TOR1AIP2: variants seen among roughly 807,000 people sequenced by gnomAD.
TOR1AIP2 encodes the protein torsin 1A interacting protein 2.
TOR1AIP2 carries 20 observed loss-of-function variants against 32.6 expected under a neutral mutation model. The observed-to-expected ratio is 0.61, with a 90% confidence interval of 0.43 to 0.89. The LOEUF (loss-of-function observed/expected upper bound fraction) is 0.89. TOR1AIP2 is among the 40% of genes least tolerant of loss of function. The pLI, the probability that TOR1AIP2 is intolerant of heterozygous loss-of-function variation, is 0.00. For synonymous variants in TOR1AIP2, 214 were observed against 210.8 expected (o/e 1.02, Z -0.13); for missense variants, 456 against 553.8 (o/e 0.82, Z 1.77).
intron 5 of TOR1AIP2, among the ~76,000 whole-genome samples, chr1:179,848,619 T>A (rs2148425203): frequency 6.6e-6 from 1 of 152,320 alleles, no homozygotes; most frequent in African/African-American, 2.4e-5. Context: ...AATTTGTGCT[T>A]AACCCCAGCC....
At chr1:179,873,133 C>A (rs750730935) in intron 2 of TOR1AIP2, among the ~76,000 whole-genome samples, 9 of 152,164 alleles carry the variant, frequency 5.9e-5, no homozygotes, top group Non-Finnish European at 1.0e-4. Flanking sequence ...GTGACCCTTT[C>A]TTGTCTTTGT....
chr1:179,873,730 G>A (rs1246850481), intron 2 of TOR1AIP2: 1 of 152,108 alleles, frequency 6.6e-6, no homozygotes, highest in African/African-American at 2.4e-5. Flanking sequence ...TTCTGTTAGA[G>A]TTGTCCCTTC....
rs940200774 is a variant in TOR1AIP2, at chr1:179,846,040, A to G, written c.*31T>C. 1.3e-6 allele frequency: 2 copies of G among 1,588,432 alleles called. No homozygotes were observed. The highest frequency in any genetic ancestry group is 1.8e-5 in the Admixed American group (1 of 56,986). ...TTTAAACAAACTTTTTCATAAACAT[A>G]TACCTTCTGTAACCAACTCTGTGCT... On this transcript the variant is annotated 3_prime_UTR_variant, in exon 7 of 7. Transcript: ENST00000609928.
At position 179,843,632 on chromosome 1, in the gene TOR1AIP2, G is replaced by A. The variant is rs1239027410; in HGVS notation, c.*2439C>T. ...AGGCCAGGAGTTCAAGACCAGCCTA[G>A]GCAACACAGTAAGACCCTGTCTCTA... On this transcript the variant is annotated 3_prime_UTR_variant, in exon 7 of 7. Transcript: ENST00000609928. 6.6e-6 allele frequency: 1 copy of A among 152,040 alleles called. No homozygotes were observed. The highest frequency in any genetic ancestry group is 1.5e-5 in the Non-Finnish European group (1 of 68,290). 9.4% of individuals were successfully genotyped at this position (152,040 alleles called of 1,614,324 possible).
intron 2 of TOR1AIP2, among the ~76,000 whole-genome samples, chr1:179,870,085 T>C (rs1456519622): frequency 6.6e-6 from 1 of 152,172 alleles, no homozygotes; most frequent in Non-Finnish European, 1.5e-5. Flanking sequence ...GAGTCCTGAA[T>C]CCTCTGAAAT....
chr1:179,864,457 A>T, intron 3 of TOR1AIP2: 1 of 1,060,892 alleles, frequency 9.4e-7, no homozygotes, highest in Non-Finnish European at 1.1e-6. Context: ...CCCCTCTAGG[A>T]CTACTTTGTC....
Position 179,850,878 on chromosome 1 carries a change from C to T in TOR1AIP2, c.520G>A (p.Glu174Lys). The T allele has an allele frequency of 6.2e-7, 1 of 1,613,994 alleles. No individual in the cohort carries two copies. ...AGCAGTCGCCTCCTCAGTGTATCCTCACCCTCTTGCCCTGCACTGGAATGA... is the reference window on the plus strand; with the variant it reads ...AGCAGTCGCCTCCTCAGTGTATCCTTACCCTCTTGCCCTGCACTGGAATGA... ...PGHSSAGQEG[E>K]DTLRRRLLAP... The change falls in exon 5 of 7, where the codon GAG (glutamate) becomes AAG (lysine). Residue 174 changes from glutamate (E) to lysine (K), a missense_variant. Glu to Lys is a moderately conservative substitution (Grantham distance 56, BLOSUM62 1). Coordinates refer to ENST00000609928, the MANE Select transcript of TOR1AIP2 (RefSeq NM_001199260.2).
chr1:179,853,869 C>CAA (rs1696203585), intron 3 of TOR1AIP2, among the ~76,000 whole-genome samples: 1 of 152,178 alleles, frequency 6.6e-6, no homozygotes, highest in African/African-American at 2.4e-5. Flanking sequence ...GATTTTCTTT[C>CAA]TGCCACTGTG....
intron 3 of TOR1AIP2, chr1:179,864,567 GA>G (rs1442999787): frequency 0.013 from 17,462 of 1,337,134 alleles, 561 homozygotes; most frequent in African/African-American, 0.11. Context: ...TAGATGAACA[GA>G]TTAGCCTCAG....
intron 5 of TOR1AIP2, among the ~76,000 whole-genome samples, chr1:179,848,035 A>G (rs1480662884): frequency 9.2e-5 from 8 of 86,598 alleles, no homozygotes; most frequent in East Asian, 7.6e-4. Flanking sequence ...TCCATCTCAG[A>G]AAAAAAAAAA....
intron 3 of TOR1AIP2, chr1:179,861,449 TTATCA>T (rs3053001): frequency 0.049 from 48,681 of 985,210 alleles, 1,377 homozygotes; most frequent in African/African-American, 0.11. Context: ...TTCTGACAGC[TTATCA>T]TATAACAGGT....
chr1:179,851,759 G>A (rs1696123211), intron 4 of TOR1AIP2, among the ~76,000 whole-genome samples: 1 of 152,138 alleles, frequency 6.6e-6, no homozygotes, highest in Admixed American at 6.6e-5. Context: ...CATGAAAACA[G>A]GGAAACCCAA....
At position 179,846,872 on chromosome 1, in the gene TOR1AIP2, G is replaced by A. The variant is rs370139344; in HGVS notation, c.656-44C>T. On this transcript the variant is annotated intron_variant, in intron 6 of 6. Transcript: ENST00000609928. ...AGGAATAGAAAATTACAGAGAACAC[G>A]AGCCAGAAACAAAGCCTGTGGTAAA... 216 of 1,526,016 alleles carry A rather than the reference G, an allele frequency of 1.4e-4. No homozygotes were observed. In the African/African-American group the frequency reaches 2.3e-3, roughly 16 times the overall value. The allele number at this position is 1,526,016 out of a possible 1,614,324, so 94.5% of individuals were successfully genotyped here.
At position 179,843,531 on chromosome 1, in the gene TOR1AIP2, A is replaced by AG. The variant is rs1695793682; in HGVS notation, c.*2539_*2540insC. 6.6e-6 allele frequency: 1 copy of AG among 151,506 alleles called. No individual in the cohort carries two copies. Among genetic ancestry groups the AG allele is most frequent in the Non-Finnish European group, 1.5e-5 (1 of 68,516 alleles). 9.4% of individuals were successfully genotyped at this position (151,506 alleles called of 1,614,324 possible). A position where few individuals can be genotyped will look rare whatever the true frequency, so the allele number is the denominator to read the frequency against. ...CTCTCAAAAAAAAAAAAAAAAAAAA[A>AG]AGAAGTTTGGTTGGGTGCATTGGGT... On this transcript the variant is annotated 3_prime_UTR_variant, in exon 7 of 7. Coordinates refer to ENST00000609928, the MANE Select transcript of TOR1AIP2 (RefSeq NM_001199260.2).
chr1:179,861,171 A>T, intron 3 of TOR1AIP2: 1 of 985,450 alleles, frequency 1.0e-6, no homozygotes, highest in Non-Finnish European at 1.2e-6. Context: ...TCCACACTAT[A>T]AAAATAGAGA....
At chr1:179,866,164 G>A (rs934972069) in intron 2 of TOR1AIP2, among the ~76,000 whole-genome samples, 9 of 151,658 alleles carry the variant, frequency 5.9e-5, no homozygotes, top group Non-Finnish European at 1.2e-4. Context: ...TCTCTTGTAC[G>A]TCTCTTCTGT....
At chr1:179,875,698 C>A (rs1050923224) in intron 2 of TOR1AIP2, 2 of 151,432 alleles carry the variant, frequency 1.3e-5, no homozygotes. Context: ...ACAGTTCATA[C>A]CAGAGCCATG....
intron 5 of TOR1AIP2, among the ~76,000 whole-genome samples, chr1:179,849,427 C>G (rs1464689473): frequency 2.0e-5 from 3 of 151,964 alleles, no homozygotes; most frequent in African/African-American, 7.3e-5. Flanking sequence ...TGGGTTTTTG[C>G]CATGTTGCCC....
chr1:179,840,433 C>T lies in TOR1AIP2; in HGVS notation c.*5638G>A, dbSNP rs190375637. On this transcript the variant is annotated 3_prime_UTR_variant, in exon 7 of 7. Coordinates refer to ENST00000609928, the MANE Select transcript of TOR1AIP2 (RefSeq NM_001199260.2). ...GCCAAAGGCAAATTTAGTTTATAAGCCTCAGTGAGGAAAAGCAGGAGACCA... is the reference window on the plus strand; with the variant it reads ...GCCAAAGGCAAATTTAGTTTATAAGTCTCAGTGAGGAAAAGCAGGAGACCA... 10 of 152,240 alleles carry T rather than the reference C, an allele frequency of 6.6e-5. No individual in the cohort carries two copies. The East Asian group carries it at 1.4e-3, about 21-fold the overall frequency. 9.4% of individuals were successfully genotyped at this position (152,240 alleles called of 1,614,324 possible).
Sources: allele counts gnomAD v4.1 joint callset (sites outside exome capture counted in the v4.1 genomes callset), GRCh38; gene constraint gnomAD v4.1.1; transcripts MANE v1.5; gene names NCBI Gene and HGNC (gene_info 2026-07-23, HGNC 2026-07-21).